GHRHR: variants seen among roughly 807,000 people sequenced by gnomAD.
GHRHR encodes the protein growth hormone-releasing hormone receptor.
In GHRHR, 40 loss-of-function variants were observed where a neutral mutation model predicts 58.3. That is an observed-to-expected ratio of 0.69 (90% CI 0.53 to 0.89). The LOEUF (loss-of-function observed/expected upper bound fraction) is 0.89, where lower values mean the gene tolerates loss of function less well. GHRHR is among the 40% of genes least tolerant of loss of function. GHRHR has a pLI of 0.00. For missense variants in GHRHR, 551 were observed against 541.3 expected (o/e 1.02, Z -0.18); for synonymous variants, 249 against 216.6 (o/e 1.15, Z -1.31).
At position 30,974,045 on chromosome 7, in the gene GHRHR, C is replaced by T. The variant is rs146727093; in HGVS notation, c.658C>T (p.Leu220=). ...HFATMTNFSW[L]LAEAVYLNCL... Reference sequence around the variant, plus strand: ...CGCCACCATGACCAACTTCAGCTGGCTGTTGGCAGAAGCCGTCTACCTGAA... The same window carrying T: ...CGCCACCATGACCAACTTCAGCTGGTTGTTGGCAGAAGCCGTCTACCTGAA... The change falls in exon 7 of 13, where the codon CTG becomes TTG. Residue 220 remains leucine (L), a synonymous_variant. Coordinates refer to ENST00000326139, the MANE Select transcript of GHRHR (RefSeq NM_000823.4). 108 of 1,614,012 alleles carry T rather than the reference C, an allele frequency of 6.7e-5. 1 individual carries two copies. In the African/African-American group the frequency reaches 1.1e-3, roughly 17 times the overall value.
In GHRHR at chr7:30,974,954, C is replaced by A. The variant is rs949902190; in HGVS notation, c.813-17C>A. The A allele has an allele frequency of 6.3e-7, 1 of 1,591,738 alleles. No homozygotes were observed. The highest frequency in any genetic ancestry group is 1.7e-5 in the Admixed American group (1 of 60,000). On this transcript the variant is annotated splice_polypyrimidine_tract_variant and intron_variant, in intron 8 of 12. Coordinates refer to ENST00000326139, the MANE Select transcript of GHRHR (RefSeq NM_000823.4). ...AAGGGGACTTTCCAACAACGGCCTT[C>A]TTTCCTCTCTCCCCAGGTGCTGGGA...
Position 30,968,910 on chromosome 7 carries a change from C to G in GHRHR, c.134C>G (p.Ala45Gly), listed in dbSNP as rs1792418720. Residue 45 changes from alanine (A) to glycine (G), a missense_variant, in exon 2 of 13, where the codon GCA becomes GGA. Coordinates refer to ENST00000326139, the MANE Select transcript of GHRHR (RefSeq NM_000823.4). ...GATGAGAGTGCCTGTCTACAAGCAG[C>G]AGAGGAGATGCCCAACACCACCCTG... Reference protein sequence around the residue: ...REDESACLQAAEEMPNTTLGC... With the variant: ...REDESACLQAGEEMPNTTLGC... The G allele has an allele frequency of 6.2e-7, 1 of 1,613,478 alleles. No individual in the cohort carries two copies. The highest frequency in any genetic ancestry group is 1.7e-5 in the Admixed American group (1 of 60,010).
In GHRHR at chr7:30,978,000, G is replaced by A. The variant is rs900489982; in HGVS notation, c.1146+678G>A. Among the ~76,000 whole-genome samples, 8 of 152,318 alleles carry A rather than the reference G, an allele frequency of 5.3e-5. No homozygotes were observed. In the South Asian group the frequency reaches 1.0e-3, roughly 20 times the overall value. On this transcript the variant is annotated intron_variant, in intron 12 of 12. Coordinates refer to ENST00000326139, the MANE Select transcript of GHRHR (RefSeq NM_000823.4). The stretch of plus-strand genomic sequence containing the variant: ...TCCTGCTCTGGGGAGAGAGGCGGGG[G>A]AGAATTGATCTCAATGCCCCGGACT...
rs558460416 is a variant in GHRHR, at chr7:30,971,254, G to A, written c.464+38G>A. The A allele has an allele frequency of 2.6e-5, 23 of 898,336 alleles. No individual in the cohort carries two copies. The African/African-American group carries it at 3.5e-4, about 13-fold the overall frequency. The allele number at this position is 898,336 out of a possible 1,614,324, so 55.6% of individuals were successfully genotyped here. On this transcript the variant is annotated intron_variant, in intron 5 of 12. Coordinates refer to ENST00000326139, the MANE Select transcript of GHRHR (RefSeq NM_000823.4). The stretch of plus-strand genomic sequence containing the variant: ...CATCACCAGCTCAAGAACCTTCCTT[G>A]GCTCCTTATTTCCCAGAGGGTCAAG...
At chr7:30,976,699 A>C in intron 11 of GHRHR, 141 bp downstream of exon 11, 1 of 722,418 alleles carries the variant, frequency 1.4e-6, no homozygotes. Flanking sequence ...CTGTCTGTCC[A>C]TCTTCCAGCC....
chr7:30,974,939 T>C, intron 8 of GHRHR, 32 bp from the exon 9 acceptor site: 1 of 1,502,240 alleles, frequency 6.7e-7, no homozygotes, highest in Non-Finnish European at 9.3e-7. Flanking sequence ...AAGGGGACTT[T>C]CCAACAACGG....
At position 30,968,935 on chromosome 7, in the gene GHRHR, G is replaced by T. The variant is rs754256570; in HGVS notation, c.159G>T (p.Leu53=). ...CAGAGGAGATGCCCAACACCACCCTGGGTATGGGGCCTAGGAGGCAGGTGG... is the reference window on the plus strand; with the variant it reads ...CAGAGGAGATGCCCAACACCACCCTTGGTATGGGGCCTAGGAGGCAGGTGG... ...QAAEEMPNTT[L]GCPATWDGLL... The change falls in exon 2 of 13, where the codon CTG becomes CTT. Residue 53 remains leucine, a splice_region_variant and synonymous_variant. Transcript: ENST00000326139. 29 of 1,605,302 alleles carry T rather than the reference G, an allele frequency of 1.8e-5. No homozygotes were observed. The highest frequency in any genetic ancestry group is 2.5e-5 in the Non-Finnish European group (29 of 1,172,114).
chr7:30,978,714 T>C (rs1243337898), intron 12 of GHRHR, among the ~76,000 whole-genome samples: 1 of 152,032 alleles, frequency 6.6e-6, no homozygotes, highest in Non-Finnish European at 1.5e-5. Flanking sequence ...CTGAATCCTC[T>C]CTCCCTTCAG....
rs534220273 is a variant in GHRHR at position 30,964,095 on chromosome 7, C to T, written c.27C>T (p.His9=). 2.8e-5 allele frequency: 44 copies of T among 1,550,144 alleles called. No homozygotes were observed. The highest frequency in any genetic ancestry group is 7.8e-5 in the Admixed American group (4 of 51,006). ...TGGACCGCCGGATGTGGGGGGCCCACGTCTTCTGCGTGTTGAGCCCGTTAC... is the reference window on the plus strand; with the variant it reads ...TGGACCGCCGGATGTGGGGGGCCCATGTCTTCTGCGTGTTGAGCCCGTTAC... MDRRMWGA[H]VFCVLSPLPT... The change falls in exon 1 of 13, where the codon CAC becomes CAT. Residue 9 remains histidine (H), a synonymous_variant. Coordinates refer to ENST00000326139, the MANE Select transcript of GHRHR (RefSeq NM_000823.4).
Position 30,964,107 on chromosome 7 carries a change from G to C in GHRHR, c.39G>C (p.Val13=), listed in dbSNP as rs1369873953. The C allele has an allele frequency of 6.5e-7, 1 of 1,549,566 alleles. No individual in the cohort carries two copies. The highest frequency in any genetic ancestry group is 2.0e-5 in the Admixed American group (1 of 50,998). The part of the protein sequence containing the change: ...RRMWGAHVFC[V]LSPLPTVLGH... ...TGTGGGGGGCCCACGTCTTCTGCGTGTTGAGCCCGTTACCGACCGTGAGTA... is the reference window on the plus strand; with the variant it reads ...TGTGGGGGGCCCACGTCTTCTGCGTCTTGAGCCCGTTACCGACCGTGAGTA... Residue 13 remains valine (V), a synonymous_variant, in exon 1 of 13, where the codon GTG becomes GTC. Transcript: ENST00000326139.
chr7:30,976,704 C>A, intron 11 of GHRHR, 146 bp downstream of exon 11: 1 of 699,480 alleles, frequency 1.4e-6, no homozygotes, highest in Non-Finnish European at 2.5e-6. Context: ...TGTCCATCTT[C>A]CAGCCACCCA....
chr7:30,971,560 AC>A (rs1302111600), intron 5 of GHRHR, among the ~76,000 whole-genome samples: 2 of 151,660 alleles, frequency 1.3e-5, no homozygotes, highest in African/African-American at 2.4e-5. Context: ...CTCTCTGACC[AC>A]TGTCCCCTTT....
Position 30,974,501 on chromosome 7 carries a change from C to A in GHRHR, c.812+12C>A, listed in dbSNP as rs151020002. Reference sequence around the variant, plus strand: ...TTCGAGGACATCGCGTGAGTCGGAGCGGCCACCTTGTCATACCCGCTGGTC... The same window carrying A: ...TTCGAGGACATCGCGTGAGTCGGAGAGGCCACCTTGTCATACCCGCTGGTC... On this transcript the variant is annotated intron_variant, in intron 8 of 12. Coordinates refer to ENST00000326139, the MANE Select transcript of GHRHR (RefSeq NM_000823.4). 33 of 1,597,134 alleles carry A rather than the reference C, an allele frequency of 2.1e-5. No individual in the cohort carries two copies. In the South Asian group the frequency reaches 3.5e-4, roughly 17 times the overall value.
At chr7:30,974,515 T>C in intron 8 of GHRHR, 26 bp downstream of exon 8, 2 of 1,536,342 alleles carry the variant, frequency 1.3e-6, no homozygotes, top group Non-Finnish European at 1.8e-6. Flanking sequence ...CACCTTGTCA[T>C]ACCCGCTGGT....
intron 1 of GHRHR, among the ~76,000 whole-genome samples, chr7:30,967,595 ATCTG>A (rs780982011): frequency 9.1e-5 from 6 of 66,060 alleles, no homozygotes; most frequent in Non-Finnish European, 1.6e-4. Context: ...GCAGCCAGTC[ATCTG>A]TCTATCCATC....
At chr7:30,969,640 C>T (rs982165749) in intron 3 of GHRHR, 2 of 623,236 alleles carry the variant, frequency 3.2e-6, no homozygotes, top group Non-Finnish European at 5.7e-6. Flanking sequence ...GGGGAATAAT[C>T]CTCTTTGTGA....
intron 1 of GHRHR, among the ~76,000 whole-genome samples, chr7:30,968,632 C>CCTTCCTTCCTT (rs1792407445): frequency 9.2e-6 from 1 of 109,252 alleles, no homozygotes; most frequent in Admixed American, 8.3e-5. Context: ...CTCCCTCCCT[C>CCTTCCTTCCTT]CCTCCCTCCC....
chr7:30,972,025 C>G lies in GHRHR; in HGVS notation c.527C>G (p.Ala176Gly). 6.2e-7 allele frequency: 1 copy of G among 1,613,914 alleles called. No homozygotes were observed. The highest frequency in any genetic ancestry group is 1.3e-5 in the African/African-American group (1 of 75,018). ...CTGTTCACCACTTTTATCCTCAAGGCGGGAGCTGTGTTCCTGAAGGATGCT... is the reference window on the plus strand; with the variant it reads ...CTGTTCACCACTTTTATCCTCAAGGGGGGAGCTGTGTTCCTGAAGGATGCT... ...TQLFTTFILK[A>G]GAVFLKDAAL... Residue 176 changes from alanine (A) to glycine (G), a missense_variant, in exon 6 of 13, where the codon GCG becomes GGG. Coordinates refer to ENST00000326139, the MANE Select transcript of GHRHR (RefSeq NM_000823.4).
In GHRHR at chr7:30,975,994, A is replaced by G. The variant is rs1057002731; in HGVS notation, c.974+126A>G. The G allele has an allele frequency of 4.2e-6, 3 of 714,398 alleles. No individual in the cohort carries two copies. In the African/African-American group the frequency reaches 5.2e-5, roughly 12 times the overall value. The allele number at this position is 714,398 out of a possible 1,614,324, so 44.3% of individuals were successfully genotyped here. A position where few individuals can be genotyped will look rare whatever the true frequency, so the allele number is the denominator to read the frequency against. ...CTCTTTCTTCCCTATGTTCCCAGAG[A>G]CAGAATAGACCTGGCCCCTTCCTTC... On this transcript the variant is annotated intron_variant, in intron 10 of 12. Transcript: ENST00000326139.
Sources: gnomAD v4.1 joint callset for allele counts (sites outside exome capture counted in the v4.1 genomes callset) on GRCh38, gnomAD v4.1.1 for gene constraint, MANE v1.5 for transcripts, NCBI Gene and HGNC (gene_info 2026-07-23, HGNC 2026-07-21) for gene names.